Variants in CSGALNACT2 observed in about 807,000 individuals in gnomAD.
The protein encoded by CSGALNACT2 is beta 4 GalNAcT-2.
Under a neutral mutation model 55.3 loss-of-function variants are expected in CSGALNACT2, and 35 were observed. That is an observed-to-expected ratio of 0.63 (90% CI 0.48 to 0.84). The LOEUF is 0.84. CSGALNACT2 is among the 40% of genes least tolerant of loss of function. The pLI is 0.00. For missense variants in CSGALNACT2, 544 were observed against 657.5 expected (o/e 0.83, Z 1.89); for synonymous variants, 196 against 224.9 (o/e 0.87, Z 1.15).
Position 43,167,104 on chromosome 10 carries a change from A to G in CSGALNACT2, c.1254+6A>G. 1 of 1,570,736 alleles carries G rather than the reference A, an allele frequency of 6.4e-7. No individual in the cohort carries two copies. The highest frequency in any genetic ancestry group is 8.8e-7 in the Non-Finnish European group (1 of 1,141,164). ...CACCTGTGGAGCAGCAGCTGGTGAG[A>G]CTTTCACATTTTCAGTTATGAAAGA... On this transcript the variant is annotated splice_donor_region_variant and intron_variant, in intron 6 of 7. Coordinates refer to ENST00000374466, the MANE Select transcript of CSGALNACT2 (RefSeq NM_018590.5).
intron 1 of CSGALNACT2, among the ~76,000 whole-genome samples, chr10:43,140,446 G>T (rs1838597478): frequency 6.6e-6 from 1 of 152,040 alleles, no homozygotes; most frequent in Non-Finnish European, 1.5e-5. Context: ...TAACTATTAT[G>T]AGTTCAAGAC....
chr10:43,159,932 G>T (rs1428100120), intron 3 of CSGALNACT2, among the ~76,000 whole-genome samples: 1 of 152,192 alleles, frequency 6.6e-6, no homozygotes, highest in Non-Finnish European at 1.5e-5. Context: ...AAACTGGTCT[G>T]CAGCTGAATG....
intron 2 of CSGALNACT2, among the ~76,000 whole-genome samples, chr10:43,157,131 TC>T (rs1395374312): frequency 1.1e-4 from 16 of 152,270 alleles, no homozygotes; most frequent in Non-Finnish European, 1.8e-4. Flanking sequence ...TTCTGATTTT[TC>T]TGCAAGCTCA....
At chr10:43,183,091 CG>C (rs1166356860) in intron 7 of CSGALNACT2, among the ~76,000 whole-genome samples, 158 bp from the exon 8 acceptor site, 1 of 152,164 alleles carries the variant, frequency 6.6e-6, no homozygotes, top group Non-Finnish European at 1.5e-5. Context: ...ACTGGACTTC[CG>C]GTGACTGGGA....
At chr10:43,174,771 A>ATATT (rs569387065) in intron 6 of CSGALNACT2, among the ~76,000 whole-genome samples, 106 of 152,258 alleles carry the variant, frequency 7.0e-4, no homozygotes, top group African/African-American at 2.4e-3. Context: ...CCTAAAATGT[A>ATATT]TATTTATTTA....
Position 43,155,818 on chromosome 10 carries a change from G to A in CSGALNACT2, c.661+8G>A, listed in dbSNP as rs1332096437. On this transcript the variant is annotated splice_region_variant and intron_variant, in intron 2 of 7. Transcript: ENST00000374466. ...AAAATGACTTCGTAGAAGGTAATGT[G>A]AAAAATATGTTGGTCAATATTATGT... is the stretch of plus-strand genomic sequence containing the variant. 1.9e-6 allele frequency: 3 copies of A among 1,598,696 alleles called. No homozygotes were observed. In the South Asian group the frequency reaches 3.4e-5, roughly 18 times the overall value.
chr10:43,147,782 C>CTTTTTTTTT (rs372639057), intron 1 of CSGALNACT2, among the ~76,000 whole-genome samples: 13 of 108,094 alleles, frequency 1.2e-4, no homozygotes, highest in Middle Eastern at 6.3e-3. Context: ...GTCGAGTTAT[C>CTTTTTTTTT]TTTTTTTTTT....
chr10:43,155,549 A>G lies in CSGALNACT2; in HGVS notation c.400A>G (p.Ser134Gly). The G allele has an allele frequency of 2.5e-6, 4 of 1,614,268 alleles. No individual in the cohort carries two copies. Among genetic ancestry groups the G allele is most frequent in the Non-Finnish European group, 3.4e-6 (4 of 1,180,046 alleles). ...LHSQIDKAEV[S>G]IGAKLPSEYG... ...TTCCCAAATTGACAAAGCTGAAGTT[A>G]GCATAGGGGCCAAACTACCCAGTGA... Residue 134 changes from serine to glycine, a missense_variant, in exon 2 of 8, where the codon AGC becomes GGC. Ser to Gly is a moderately conservative substitution (Grantham distance 56). Transcript: ENST00000374466.
intron 1 of CSGALNACT2, among the ~76,000 whole-genome samples, chr10:43,141,576 AG>A (rs1838624359): frequency 2.3e-5 from 3 of 130,122 alleles, no homozygotes; most frequent in Admixed American, 9.0e-5. Context: ...CTGTTCAGGC[AG>A]TGGAGGCTGC....
chr10:43,171,179 G>A (rs1201321132), intron 6 of CSGALNACT2, among the ~76,000 whole-genome samples: 1 of 152,086 alleles, frequency 6.6e-6, no homozygotes, highest in African/African-American at 2.4e-5. Context: ...TAACATTAGG[G>A]GAAGCTAAAA....
chr10:43,159,288 A>G (rs929778596), intron 3 of CSGALNACT2, among the ~76,000 whole-genome samples: 34 of 151,282 alleles, frequency 2.2e-4, no homozygotes, highest in African/African-American at 8.3e-4. Flanking sequence ...AGGTATCATG[A>G]CTCTTTTTTT....
intron 4 of CSGALNACT2, chr10:43,163,194 C>T: frequency 1.0e-6 from 1 of 985,150 alleles, no homozygotes; most frequent in Non-Finnish European, 1.2e-6. Flanking sequence ...CTTCTAACAT[C>T]TTCTCTAACT....
chr10:43,178,010 T>G (rs1355725020), intron 7 of CSGALNACT2, among the ~76,000 whole-genome samples: 3 of 152,252 alleles, frequency 2.0e-5, no homozygotes, highest in Admixed American at 2.0e-4. Flanking sequence ...TTCTTATGAT[T>G]AATGTTGTTG....
At chr10:43,144,434 T>A (rs936495013) in intron 1 of CSGALNACT2, among the ~76,000 whole-genome samples, 1 of 152,230 alleles carries the variant, frequency 6.6e-6, no homozygotes, top group Non-Finnish European at 1.5e-5. Context: ...AGAAAAGATA[T>A]GGTAAGACCT....
chr10:43,153,208 G>C (rs192952832), intron 1 of CSGALNACT2, among the ~76,000 whole-genome samples: 2 of 151,674 alleles, frequency 1.3e-5, no homozygotes, highest in African/African-American at 4.8e-5. Flanking sequence ...GGTGGCCGGC[G>C]CTTGTAGTCC....
At chr10:43,142,396 G>A (rs1588888400) in intron 1 of CSGALNACT2, among the ~76,000 whole-genome samples, 1 of 152,060 alleles carries the variant, frequency 6.6e-6, no homozygotes, top group Non-Finnish European at 1.5e-5. Context: ...TAGAGACGGG[G>A]TTTCACCGTG....
chr10:43,176,070 A>G, intron 7 of CSGALNACT2, 38 bp downstream of exon 7: 2 of 1,477,284 alleles, frequency 1.4e-6, no homozygotes, highest in Non-Finnish European at 1.9e-6. Context: ...GACTTTATTT[A>G]CTCCAGACTT....
In CSGALNACT2 at chr10:43,155,494, A is replaced by C; in HGVS notation, c.345A>C (p.Gln115His). 1.2e-6 allele frequency: 2 copies of C among 1,614,240 alleles called. 1 individual carries two copies. The highest frequency in any genetic ancestry group is 2.7e-5 in the African/African-American group (2 of 75,072). Residue 115 changes from glutamine (Q) to histidine (H), a missense_variant, in exon 2 of 8, where the codon CAA becomes CAC. Gln to His is a conservative substitution (Grantham distance 24). Transcript: ENST00000374466. Reference protein sequence around the residue: ...NGIGYQSNKEQAPSDLLEFLH... With the variant: ...NGIGYQSNKEHAPSDLLEFLH... Reference sequence around the variant, plus strand: ...TAGGCTATCAGAGCAACAAAGAGCAAGCACCTAGTGATCTTTTAGAGTTTC... The same window carrying C: ...TAGGCTATCAGAGCAACAAAGAGCACGCACCTAGTGATCTTTTAGAGTTTC...
intron 6 of CSGALNACT2, among the ~76,000 whole-genome samples, chr10:43,170,750 A>G (rs557428021): frequency 1.3e-5 from 2 of 152,362 alleles, no homozygotes; most frequent in African/African-American, 4.8e-5. Context: ...TTTTCACGGG[A>G]GAAACCCAGC....
Sources: gnomAD v4.1 joint callset for allele counts (sites outside exome capture counted in the v4.1 genomes callset) on GRCh38, gnomAD v4.1.1 for gene constraint, MANE v1.5 for transcripts, NCBI Gene and HGNC (gene_info 2026-07-23, HGNC 2026-07-21) for gene names.